PAAF1: variants seen among roughly 807,000 people sequenced by gnomAD.
PAAF1 encodes the protein proteasomal ATPase-associated factor 1.
In PAAF1, 46 loss-of-function variants were observed where a neutral mutation model predicts 52.8. The observed-to-expected ratio is 0.87, with a 90% CI of 0.69 to 1.11. The LOEUF (loss-of-function observed/expected upper bound fraction) is 1.11, where lower values mean the gene tolerates loss of function less well. Ranked by LOEUF, PAAF1 falls within the 50% of genes most tolerant of loss-of-function variation. PAAF1 has a pLI of 0.00. For missense variants in PAAF1, 424 were observed against 477.4 expected, an observed-to-expected ratio of 0.89 and a Z score of 1.04; for synonymous variants, 178 against 172.8, an observed-to-expected ratio of 1.03 and a Z score of -0.24.
chr11:73,914,121 CTT>C (rs1467183700), intron 7 of PAAF1, among the ~76,000 whole-genome samples: 4 of 152,294 alleles, frequency 2.6e-5, no homozygotes, highest in African/African-American at 9.6e-5. Flanking sequence ...ACTGAGGTAT[CTT>C]TTACATATGG....
chr11:73,903,554 T>C (rs1452920669), intron 6 of PAAF1, among the ~76,000 whole-genome samples: 1 of 143,276 alleles, frequency 7.0e-6, no homozygotes, highest in African/African-American at 2.6e-5. Flanking sequence ...CAGTCTCTAC[T>C]AAAAATACAA....
intron 2 of PAAF1, among the ~76,000 whole-genome samples, chr11:73,885,651 G>A (rs1023125667): frequency 1.3e-5 from 2 of 151,248 alleles, no homozygotes; most frequent in African/African-American, 4.9e-5. Flanking sequence ...AGACCAGCCT[G>A]GCCAATATGG....
At chr11:73,909,287 T>G in intron 6 of PAAF1, 112 bp from the exon 7 acceptor site, 1 of 881,986 alleles carries the variant, frequency 1.1e-6, no homozygotes, top group East Asian at 2.5e-5. Flanking sequence ...ATGTGGTACC[T>G]GTTCAGAACA....
chr11:73,899,840 A>G (rs1287193813), intron 5 of PAAF1, among the ~76,000 whole-genome samples: 1 of 152,118 alleles, frequency 6.6e-6, no homozygotes, highest in Non-Finnish European at 1.5e-5. Context: ...AATTGCCTTC[A>G]GTGATCCATT....
At chr11:73,926,095 ATTTC>A (rs576419298) in intron 11 of PAAF1, among the ~76,000 whole-genome samples, 7 of 150,178 alleles carry the variant, frequency 4.7e-5, no homozygotes, top group African/African-American at 1.2e-4. Flanking sequence ...ATATAGATCT[ATTTC>A]TTTCTTTCTT....
intron 4 of PAAF1, 76 bp from the exon 5 acceptor site, chr11:73,899,070 G>A: frequency 3.4e-6 from 4 of 1,168,044 alleles, no homozygotes; most frequent in Non-Finnish European, 5.0e-6. Context: ...TGAAAAAAGG[G>A]AAGTTTATAA....
chr11:73,876,863 T>G, upstream of PAAF1: 1 of 696,202 alleles, frequency 1.4e-6, no homozygotes, highest in Non-Finnish European at 2.2e-6. Context: ...CAGCCCCTCG[T>G]GGGGAGCGTG....
Position 73,927,163 on chromosome 11 carries a change from C to A in PAAF1, c.1102-122C>A, listed in dbSNP as rs78235624. ...TAAGCACATAATTATGGATGTAATT[C>A]TGTTGCCTTCATAAAGCCTTCTCAG... On this transcript the variant is annotated intron_variant, in intron 11 of 11. Transcript: ENST00000310571. 19 of 719,248 alleles carry A rather than the reference C, an allele frequency of 2.6e-5. No individual in the cohort carries two copies. In the African/African-American group the frequency reaches 2.8e-4, roughly 11 times the overall value. 44.6% of individuals were successfully genotyped at this position (719,248 alleles called of 1,614,324 possible).
In PAAF1 at chr11:73,877,816, G is replaced by T. The variant is rs545835928; in HGVS notation, c.47+748G>T. 5.9e-5 allele frequency among the ~76,000 whole-genome samples: 9 copies of T among 152,272 alleles called. No homozygotes were observed. The South Asian group carries it at 1.9e-3, about 32-fold the overall frequency. On this transcript the variant is annotated intron_variant, in intron 1 of 11. Coordinates refer to ENST00000310571, the MANE Select transcript of PAAF1 (RefSeq NM_025155.3). ...CAGGAGAATCGGTTGAACCCAGGAG[G>T]TGGAGGTTGCAGTGAGCCGAGATTG...
At chr11:73,895,915 T>A (rs1038440934) in intron 4 of PAAF1, among the ~76,000 whole-genome samples, 3 of 152,206 alleles carry the variant, frequency 2.0e-5, no homozygotes, top group African/African-American at 7.2e-5. Flanking sequence ...AAGACCACCC[T>A]GGGCAACATA....
intron 8 of PAAF1, among the ~76,000 whole-genome samples, chr11:73,914,749 A>G (rs1252161684): frequency 1.5e-5 from 2 of 137,354 alleles, no homozygotes; most frequent in Middle Eastern, 4.1e-3. Context: ...CCCAGGTTGG[A>G]TGGAGTGCAG....
At chr11:73,894,347 TAAAC>T (rs1179242418) in intron 4 of PAAF1, among the ~76,000 whole-genome samples, 1 of 151,934 alleles carries the variant, frequency 6.6e-6, no homozygotes, top group African/African-American at 2.4e-5. Context: ...TACAAAAAAA[TAAAC>T]AAAATAGGCT....
chr11:73,881,973 C>G (rs1948920007), intron 2 of PAAF1, among the ~76,000 whole-genome samples: 1 of 152,158 alleles, frequency 6.6e-6, no homozygotes, highest in African/African-American at 2.4e-5. Context: ...CTCCCAGATT[C>G]AAGCAATTCT....
intron 4 of PAAF1, among the ~76,000 whole-genome samples, chr11:73,898,130 G>A (rs1054711891): frequency 2.7e-5 from 4 of 150,558 alleles, no homozygotes; most frequent in African/African-American, 9.7e-5. Flanking sequence ...TGAGATGGCA[G>A]CAGTACCGTC....
chr11:73,903,266 C>T (rs143309456), intron 6 of PAAF1, among the ~76,000 whole-genome samples: 1 of 152,330 alleles, frequency 6.6e-6, no homozygotes, highest in East Asian at 1.9e-4. Flanking sequence ...TTTGGGGTTG[C>T]CCATTCTTCC....
At chr11:73,890,989 CGA>C in intron 3 of PAAF1, 121 bp from the exon 4 acceptor site, 1 of 625,072 alleles carries the variant, frequency 1.6e-6, no homozygotes, top group Non-Finnish European at 2.8e-6. Context: ...GAAAGGAGAA[CGA>C]GAGAGGGTAC....
chr11:73,919,235 T>C lies in PAAF1; in HGVS notation c.1018+203T>C, dbSNP rs577128388. ...TCAAACTCCTTGAGGGTGGTGACTG[T>C]GCCTTATTCATTGTGTTATTCCCAG... On this transcript the variant is annotated intron_variant, in intron 10 of 11. Transcript: ENST00000310571. 3.0e-4 allele frequency among the ~76,000 whole-genome samples: 46 copies of C among 152,348 alleles called. 1 individual carries two copies. The highest frequency in any genetic ancestry group is 3.0e-3 in the Admixed American group (46 of 15,310).
chr11:73,927,114 A>G (rs555919571), intron 11 of PAAF1, among the ~76,000 whole-genome samples, 171 bp from the exon 12 acceptor site: 16 of 152,314 alleles, frequency 1.1e-4, no homozygotes, highest in African/African-American at 3.4e-4. Context: ...GGATGCATCC[A>G]TCACTATGGG....
chr11:73,909,368 T>A, intron 6 of PAAF1, 31 bp from the exon 7 acceptor site: 1 of 1,606,874 alleles, frequency 6.2e-7, no homozygotes, highest in Non-Finnish European at 8.5e-7. Context: ...TACTCCATCC[T>A]CCATCTTAGG....
Sources: allele counts gnomAD v4.1 joint callset (sites outside exome capture counted in the v4.1 genomes callset), GRCh38; gene constraint gnomAD v4.1.1; transcripts MANE v1.5; gene names NCBI Gene and HGNC (gene_info 2026-07-23, HGNC 2026-07-21).